The following COMMD7 variants were observed in gnomAD, a reference collection of about 807,000 sequenced individuals.
COMMD7 encodes COMM domain-containing protein 7.
A neutral mutation model predicts 34.8 loss-of-function variants in COMMD7; 28 were observed. That is an observed-to-expected ratio of 0.80 (90% CI 0.60 to 1.10). The LOEUF (loss-of-function observed/expected upper bound fraction) is 1.10. Among genes scored for constraint, COMMD7 ranks in the 50% least tolerant of loss-of-function variants. COMMD7 has a pLI of 0.00. For missense variants in COMMD7, 211 were observed against 241.6 expected, an observed-to-expected ratio of 0.87 and a Z score of 0.84; for synonymous variants, 80 against 86.4, an observed-to-expected ratio of 0.93 and a Z score of 0.41.
intron 3 of COMMD7, 48 bp from the exon 4 acceptor site, chr20:32,706,808 G>A: frequency 1.3e-6 from 2 of 1,504,068 alleles, no homozygotes; most frequent in Non-Finnish European, 1.9e-6. Flanking sequence ...CAGTGAATTA[G>A]TCGGCAATAA....
chr20:32,732,701 T>C (rs373903184), intron 1 of COMMD7, among the ~76,000 whole-genome samples: 1 of 149,070 alleles, frequency 6.7e-6, no homozygotes, highest in Non-Finnish European at 1.5e-5. Context: ...CGGAGGTGGG[T>C]GGATCACGAG....
intron 3 of COMMD7, among the ~76,000 whole-genome samples, chr20:32,707,117 CA>C (rs34159119): frequency 0.57 from 67,001 of 118,278 alleles, 18,550 homozygotes; most frequent in Middle Eastern, 0.68. Flanking sequence ...ATTAAAAATA[CA>C]AAAAAAAAAA....
chr20:32,729,361 T>C (rs965364313), intron 1 of COMMD7, among the ~76,000 whole-genome samples: 1 of 150,716 alleles, frequency 6.6e-6, no homozygotes, highest in Non-Finnish European at 1.5e-5. Context: ...TAGAGACGGG[T>C]TTCACCATAT....
At chr20:32,715,701 G>A (rs1427455450) in intron 3 of COMMD7, among the ~76,000 whole-genome samples, 1 of 152,150 alleles carries the variant, frequency 6.6e-6, no homozygotes, top group Non-Finnish European at 1.5e-5. Flanking sequence ...CAGCTACTCG[G>A]GAGGCTGAGG....
At chr20:32,720,798 T>TA (rs1272579142) in intron 3 of COMMD7, among the ~76,000 whole-genome samples, 2 of 152,010 alleles carry the variant, frequency 1.3e-5, no homozygotes, top group Admixed American at 6.6e-5. Flanking sequence ...AATAAATAAA[T>TA]ACATAAAAAG....
chr20:32,711,920 C>T (rs1353432821), intron 3 of COMMD7, among the ~76,000 whole-genome samples: 1 of 150,602 alleles, frequency 6.6e-6, no homozygotes, highest in Non-Finnish European at 1.5e-5. Context: ...CGTGGTGGCT[C>T]GTGCCTGTAA....
At chr20:32,705,986 G>C (rs1013341100) in intron 5 of COMMD7, among the ~76,000 whole-genome samples, 2 of 151,894 alleles carry the variant, frequency 1.3e-5, no homozygotes, top group African/African-American at 4.8e-5. Context: ...ATCACCTGAG[G>C]TCGGGAGTTC....
chr20:32,729,305 A>G lies in COMMD7; in HGVS notation c.85-1163T>C, dbSNP rs576407615. ...TGCCTCAGCCTCCCGAGCAGCTGGG[A>G]TTACAGGTGCCTGCCACCACACCTG... On this transcript the variant is annotated intron_variant, in intron 1 of 8. Coordinates refer to ENST00000278980, the MANE Select transcript of COMMD7 (RefSeq NM_053041.3). 2.0e-5 allele frequency among the ~76,000 whole-genome samples: 3 copies of G among 151,308 alleles called. No homozygotes were observed. In the East Asian group the frequency reaches 5.9e-4, roughly 30 times the overall value.
chr20:32,713,037 CTTTT>C (rs1568777099), intron 3 of COMMD7, among the ~76,000 whole-genome samples: 1 of 148,124 alleles, frequency 6.8e-6, no homozygotes, highest in Non-Finnish European at 1.5e-5. Flanking sequence ...CGTCCTCTTT[CTTTT>C]TTAATTTCTT....
At chr20:32,729,244 C>T (rs1428174289) in intron 1 of COMMD7, among the ~76,000 whole-genome samples, 1 of 150,038 alleles carries the variant, frequency 6.7e-6, no homozygotes, top group Non-Finnish European at 1.5e-5. Context: ...TGTTGGCTCA[C>T]TGCAACCTCC....
intron 1 of COMMD7, among the ~76,000 whole-genome samples, chr20:32,730,177 C>T (rs1985758230): frequency 2.1e-5 from 3 of 141,896 alleles, no homozygotes; most frequent in Middle Eastern, 3.8e-3. Flanking sequence ...CTGACTGAGA[C>T]ACAGATCATT....
At chr20:32,710,185 T>C (rs909828624) in intron 3 of COMMD7, among the ~76,000 whole-genome samples, 7 of 152,162 alleles carry the variant, frequency 4.6e-5, no homozygotes, top group Non-Finnish European at 8.8e-5. Context: ...CATTCTAATT[T>C]AAATAGCACT....
At chr20:32,706,436 C>A in intron 5 of COMMD7, 147 bp downstream of exon 5, 1 of 631,764 alleles carries the variant, frequency 1.6e-6, no homozygotes. Flanking sequence ...TCACTTGAAC[C>A]CGAGAGGCAG....
At chr20:32,715,672 T>G (rs1387468515) in intron 3 of COMMD7, among the ~76,000 whole-genome samples, 1 of 151,806 alleles carries the variant, frequency 6.6e-6, no homozygotes, top group African/African-American at 2.4e-5. Flanking sequence ...CCAGGAGTGG[T>G]GGCATCCACC....
At chr20:32,714,327 T>C (rs1984646367) in intron 3 of COMMD7, among the ~76,000 whole-genome samples, 1 of 152,054 alleles carries the variant, frequency 6.6e-6, no homozygotes, top group East Asian at 1.9e-4. Flanking sequence ...TTACCTCCTT[T>C]TCATAAAAAA....
chr20:32,741,597 G>C (rs182565308), intron 1 of COMMD7, among the ~76,000 whole-genome samples: 29 of 152,178 alleles, frequency 1.9e-4, no homozygotes, highest in African/African-American at 5.8e-4. Flanking sequence ...CATCATGTTG[G>C]CCAGGATGGT....
intron 1 of COMMD7, among the ~76,000 whole-genome samples, chr20:32,740,411 T>C (rs1047190931): frequency 2.0e-5 from 3 of 152,132 alleles, no homozygotes; most frequent in Admixed American, 6.6e-5. Flanking sequence ...TAAAATGTCA[T>C]TGATATTTGT....
Position 32,715,171 on chromosome 20 carries a change from A to AAAT in COMMD7, c.242-8414_242-8412dup, listed in dbSNP as rs1010771419. On this transcript the variant is annotated intron_variant, in intron 3 of 8. Transcript: ENST00000278980. The stretch of plus-strand genomic sequence containing the variant: ...CAACACAGCCAGACCTAGTCTCAAA[A>AAAT]AATAATAATAATAATAATAAAAAAA... 1.7e-4 allele frequency among the ~76,000 whole-genome samples: 25 copies of AAAT among 151,108 alleles called. 1 individual carries two copies. Among genetic ancestry groups the AAAT allele is most frequent in the African/African-American group, 3.4e-4 (14 of 41,232 alleles).
chr20:32,711,376 G>A (rs556484827), intron 3 of COMMD7, among the ~76,000 whole-genome samples: 5 of 144,258 alleles, frequency 3.5e-5, no homozygotes, highest in East Asian at 2.0e-4. Flanking sequence ...CAGCCTGGAC[G>A]ACGGAGTGAG....
Sources: allele counts gnomAD v4.1 joint callset (sites outside exome capture counted in the v4.1 genomes callset), GRCh38; gene constraint gnomAD v4.1.1; transcripts MANE v1.5; gene names NCBI Gene and HGNC (gene_info 2026-07-23, HGNC 2026-07-21).